Variants in CCDC171 observed in about 807,000 individuals in gnomAD.
CCDC171 encodes the protein coiled-coil domain containing 171.
CCDC171 carries 177 observed loss-of-function variants against 168.2 expected under a neutral mutation model. The observed-to-expected ratio is 1.05, with a 90% CI of 0.93 to 1.19. CCDC171 has a LOEUF of 1.19. Ranked by LOEUF, CCDC171 falls within the 50% of genes most tolerant of loss-of-function variation. The pLI, the probability that CCDC171 is intolerant of heterozygous loss-of-function variation, is 0.00. For synonymous variants in CCDC171, 687 were observed against 540.8 expected (o/e 1.27, Z -3.75); for missense variants, 1,991 against 1,539.0 (o/e 1.29, Z -4.91).
intron 1 of CCDC171, among the ~76,000 whole-genome samples, chr9:16,058,402 G>C (rs917996846): frequency 2.0e-5 from 3 of 151,846 alleles, no homozygotes; most frequent in African/African-American, 7.3e-5. Context: ...AGTGACAGCA[G>C]GTATGCTGCA....
chr9:15,623,017 C>T (rs2044630692), intron 6 of CCDC171, among the ~76,000 whole-genome samples: 1 of 152,190 alleles, frequency 6.6e-6, no homozygotes, highest in African/African-American at 2.4e-5. Flanking sequence ...GTAACTTTCT[C>T]ATATGCTATA....
At chr9:15,786,660 G>A (rs554374975) in intron 21 of CCDC171, among the ~76,000 whole-genome samples, 1 of 152,232 alleles carries the variant, frequency 6.6e-6, no homozygotes, top group African/African-American at 2.4e-5. Context: ...ATGGCCTATA[G>A]GAGCCAAGAA....
intron 10 of CCDC171, 76 bp downstream of exon 10, chr9:15,678,972 C>T (rs2049842785): frequency 2.7e-6 from 3 of 1,103,620 alleles, no homozygotes; most frequent in African/African-American, 3.3e-5. Flanking sequence ...TTTTTCCTCA[C>T]CACATTCCAT....
At chr9:15,630,560 C>T (rs2132267446) in intron 7 of CCDC171, among the ~76,000 whole-genome samples, 1 of 152,256 alleles carries the variant, frequency 6.6e-6, no homozygotes, top group East Asian at 1.9e-4. Flanking sequence ...GACTTAGACT[C>T]CCACACAATA....
At chr9:16,049,339 C>A (rs1284867360) in intron 1 of CCDC171, among the ~76,000 whole-genome samples, 1 of 152,072 alleles carries the variant, frequency 6.6e-6, no homozygotes, top group Non-Finnish European at 1.5e-5. Context: ...TTAAGGAATA[C>A]CTAAAAACCT....
chr9:15,792,805 C>A (rs1219157937), intron 21 of CCDC171, among the ~76,000 whole-genome samples: 3 of 152,242 alleles, frequency 2.0e-5, no homozygotes, highest in Middle Eastern at 3.4e-3. Flanking sequence ...GCCTGCCCTG[C>A]AAGAGCTCCT....
chr9:15,942,121 G>A (rs760575897), intron 25 of CCDC171, among the ~76,000 whole-genome samples: 10 of 151,926 alleles, frequency 6.6e-5, no homozygotes, highest in Admixed American at 1.3e-4. Flanking sequence ...AACATTAATT[G>A]TATCATATTA....
In CCDC171 at chr9:15,836,617, C is replaced by T. The variant is rs1021250094; in HGVS notation, c.3268-10085C>T. 1.3e-4 allele frequency among the ~76,000 whole-genome samples: 20 copies of T among 152,284 alleles called. No homozygotes were observed. In the South Asian group the frequency reaches 2.5e-3, roughly 19 times the overall value. On this transcript the variant is annotated intron_variant, in intron 21 of 25. Transcript: ENST00000380701. ...CCGCCTGCCTCGGCCTCCCAAAGTC[C>T]TGGGATTACAGGCGTGAGCCACCGC... is the stretch of plus-strand genomic sequence containing the variant.
At position 15,695,315 on chromosome 9, in the gene CCDC171, T is replaced by C. The variant is rs1197905009; in HGVS notation, c.1296T>C (p.Thr432=). 6.2e-7 allele frequency: 1 copy of C among 1,614,036 alleles called. No individual in the cohort carries two copies. The highest frequency in any genetic ancestry group is 1.1e-5 in the South Asian group (1 of 91,074). The change falls in exon 11 of 26, where the codon ACT becomes ACC. Residue 432 remains threonine, a synonymous_variant. Coordinates refer to ENST00000380701, the MANE Select transcript of CCDC171 (RefSeq NM_173550.4). ...TGGAATCGATCTTGGACAGCTTTAC[T>C]GTGTCGGGCCAGTGGACATCAGGTT... The part of the protein sequence containing the change: ...KELESILDSF[T]VSGQWTSGIH...
intron 6 of CCDC171, among the ~76,000 whole-genome samples, chr9:16,034,950 G>A (rs1833435196): frequency 6.6e-6 from 1 of 152,166 alleles, no homozygotes; most frequent in Admixed American, 6.5e-5. Flanking sequence ...AAGAAACATA[G>A]TACACTTGAT....
At chr9:15,909,074 C>G (rs1030062140) in intron 24 of CCDC171, among the ~76,000 whole-genome samples, 1 of 152,138 alleles carries the variant, frequency 6.6e-6, no homozygotes, top group Non-Finnish European at 1.5e-5. Context: ...GAGTATATCA[C>G]AGAGTTATAT....
intron 3 of CCDC171, among the ~76,000 whole-genome samples, chr9:15,980,378 C>T (rs1831754968): frequency 6.6e-6 from 1 of 152,098 alleles, no homozygotes; most frequent in Non-Finnish European, 1.5e-5. Context: ...TTCTTAAGGT[C>T]CCCCTAGCCC....
At position 16,058,140 on chromosome 9, in the gene CCDC171, A is replaced by G. The variant is rs909236648; in HGVS notation, n.90-2506A>G. On this transcript the variant is annotated intron_variant and non_coding_transcript_variant, in intron 1 of 1. Transcript: ENST00000478913. The stretch of plus-strand genomic sequence containing the variant: ...TGAGGGGGACTATCCAAAAAAATGA[A>G]GAGTAGCTCTTGTCCAAGACCGATC... Among the ~76,000 whole-genome samples the G allele has an allele frequency of 2.0e-5, 3 of 152,134 alleles. No homozygotes were observed. The East Asian group carries it at 5.8e-4, about 29-fold the overall frequency.
intron 21 of CCDC171, among the ~76,000 whole-genome samples, chr9:15,825,713 G>C (rs1032234761): frequency 5.9e-5 from 9 of 152,000 alleles, no homozygotes; most frequent in Non-Finnish European, 2.9e-5. Context: ...AAGAAAATTG[G>C]TTAAAATATT....
intron 8 of CCDC171, among the ~76,000 whole-genome samples, chr9:15,659,512 AT>A (rs2048165282): frequency 6.6e-6 from 1 of 152,194 alleles, no homozygotes; most frequent in African/African-American, 2.4e-5. Context: ...AAGTATCTTT[AT>A]GAACTTAGAT....
chr9:15,777,726 A>G lies in CCDC171; in HGVS notation c.2798A>G (p.Tyr933Cys), dbSNP rs749968919. The change falls in exon 19 of 26, where the codon TAT (tyrosine) becomes TGT (cysteine). Residue 933 changes from tyrosine (Y) to cysteine (C), a missense_variant. Transcript: ENST00000380701. ...IPLHSSRSIT[Y>C]VEKDSLVQRL... ...CTGCACAGTAGCAGGAGTATTACAT[A>G]TGTAGAAAAAGATTCCCTGGTTCAG... is the stretch of plus-strand genomic sequence containing the variant. 1 of 1,613,940 alleles carries G rather than the reference A, an allele frequency of 6.2e-7. No homozygotes were observed. The highest frequency in any genetic ancestry group is 1.7e-5 in the Admixed American group (1 of 59,990).
At chr9:15,569,701 G>C (rs2040046942) in intron 2 of CCDC171, among the ~76,000 whole-genome samples, 1 of 151,684 alleles carries the variant, frequency 6.6e-6, no homozygotes, top group Admixed American at 6.6e-5. Context: ...TGTAGTCCCA[G>C]CTGCTCGGGA....
intron 25 of CCDC171, among the ~76,000 whole-genome samples, chr9:15,942,428 G>A (rs1201118014): frequency 6.6e-6 from 1 of 151,830 alleles, no homozygotes; most frequent in South Asian, 2.1e-4. Context: ...TATTTCTGTG[G>A]TCTCCCTGCC....
chr9:15,731,193 C>T (rs969664217), intron 16 of CCDC171, among the ~76,000 whole-genome samples: 7 of 151,884 alleles, frequency 4.6e-5, no homozygotes, highest in African/African-American at 9.7e-5. Flanking sequence ...ATTATTGTAC[C>T]CTTTAACCTA....
Sources: gnomAD v4.1 joint callset for allele counts (sites outside exome capture counted in the v4.1 genomes callset) on GRCh38, gnomAD v4.1.1 for gene constraint, MANE v1.5 for transcripts, NCBI Gene and HGNC (gene_info 2026-07-23, HGNC 2026-07-21) for gene names.